FAM53A: variants seen among roughly 807,000 people sequenced by gnomAD.
FAM53A encodes the protein family with sequence similarity 53 member A.
Under a neutral mutation model 26.6 loss-of-function variants are expected in FAM53A, and 28 were observed. The ratio of observed to expected loss-of-function variants is 1.05; its 90% CI spans 0.78 to 1.45. The LOEUF is 1.45. Among genes scored for constraint, FAM53A ranks in the 40% most tolerant of loss-of-function variants. The probability of loss-of-function intolerance (pLI) is 0.00; values close to 1 mark genes in which losing one functional copy is unlikely to be tolerated. For missense variants in FAM53A, 650 were observed against 575.8 expected, an observed-to-expected ratio of 1.13 and a Z score of -1.32; for synonymous variants, 290 against 253.1, an observed-to-expected ratio of 1.15 and a Z score of -1.38.
downstream of FAM53A, among the ~76,000 whole-genome samples, chr4:1,616,063 A>AC (rs1714800378): frequency 6.6e-6 from 1 of 152,124 alleles, no homozygotes; most frequent in African/African-American, 2.4e-5. Context: ...GGAAGGAAGG[A>AC]TGGGGGATGT....
chr4:1,583,706 C>T, the FAM53A span, among the ~76,000 whole-genome samples: 2 of 152,322 alleles, frequency 1.3e-5, no homozygotes, highest in African/African-American at 2.4e-5. Context: ...GGGGCTTGTG[C>T]GAGGATTGAA....
At chr4:1,654,900 G>C (rs1179902978) in intron 4 of FAM53A, 78 bp downstream of exon 4, 16 of 1,444,444 alleles carry the variant, frequency 1.1e-5, no homozygotes, top group African/African-American at 1.5e-5. Context: ...CACATCCAGA[G>C]AATCAGCCAG....
the FAM53A span, among the ~76,000 whole-genome samples, chr4:1,579,188 C>A: frequency 1.3e-5 from 2 of 149,752 alleles, no homozygotes; most frequent in Non-Finnish European, 1.5e-5. Context: ...CCCCTGCCCT[C>A]CCTGCCCTGG....
chr4:1,576,383 C>T, the FAM53A span, among the ~76,000 whole-genome samples: 2 of 152,300 alleles, frequency 1.3e-5, no homozygotes, highest in South Asian at 2.1e-4. Flanking sequence ...ATTCCATAAC[C>T]GTGATTTGAG....
chr4:1,575,707 C>T, the FAM53A span, among the ~76,000 whole-genome samples: 2 of 152,110 alleles, frequency 1.3e-5, no homozygotes, highest in Non-Finnish European at 2.9e-5. Flanking sequence ...CCTGGCACCC[C>T]TGGGGTCCTA....
the FAM53A span, among the ~76,000 whole-genome samples, chr4:1,581,865 G>C: frequency 1.3e-5 from 2 of 152,102 alleles, no homozygotes; most frequent in African/African-American, 4.8e-5. Context: ...AAAGTGCTGG[G>C]ATTACAGGCT....
rs1406883509 is a variant in FAM53A, at chr4:1,618,190, G to A, written c.432-79C>T. Reference sequence around the variant, plus strand: ...CAGAAGACAGGGCACGTGCTGCCTCGCAGAGACAGTGAGGCTGGCCTTGAG... The same window carrying A: ...CAGAAGACAGGGCACGTGCTGCCTCACAGAGACAGTGAGGCTGGCCTTGAG... On this transcript the variant is annotated intron_variant, in intron 1 of 1. Transcript: ENST00000489029. The A allele has an allele frequency of 2.4e-5, 11 of 455,680 alleles. 1 individual carries two copies. The highest frequency in any genetic ancestry group is 4.7e-5 in the South Asian group (3 of 64,488). 28.2% of individuals were successfully genotyped at this position (455,680 alleles called of 1,614,324 possible).
chr4:1,660,388 G>T (rs1713739618), intron 2 of FAM53A, among the ~76,000 whole-genome samples: 1 of 152,104 alleles, frequency 6.6e-6, no homozygotes, highest in Non-Finnish European at 1.5e-5. Context: ...CTTGAGCCCA[G>T]GAGTTTGAGA....
the FAM53A span, among the ~76,000 whole-genome samples, chr4:1,591,038 C>T: frequency 1.6e-5 from 2 of 123,764 alleles, no homozygotes; most frequent in Non-Finnish European, 3.3e-5. Context: ...TTCTTTTGAA[C>T]TAGTCCCTAA....
chr4:1,675,055 G>C (rs965840423), intron 1 of FAM53A, among the ~76,000 whole-genome samples: 5 of 152,218 alleles, frequency 3.3e-5, no homozygotes, highest in Non-Finnish European at 5.9e-5. Context: ...CAGCCTTTTC[G>C]AGGGGCGATC....
the FAM53A span, among the ~76,000 whole-genome samples, chr4:1,584,997 A>G: frequency 1.3e-5 from 2 of 152,192 alleles, no homozygotes; most frequent in Admixed American, 6.5e-5. Context: ...CTAAAATTAT[A>G]TATGTTTACT....
At chr4:1,650,297 GGTGTTTGTGAGGTGGCACAGGCATA>G (rs376525502) in intron 4 of FAM53A, among the ~76,000 whole-genome samples, 1 of 142,016 alleles carries the variant, frequency 7.0e-6, no homozygotes, top group Non-Finnish European at 1.5e-5. Context: ...GCACAGGCGT[GGTGTTTGTGAGGTGGCACAGGCATA>G]GTGTTTGACT....
At chr4:1,576,938 G>C in the FAM53A span, among the ~76,000 whole-genome samples, 5 of 152,190 alleles carry the variant, frequency 3.3e-5, no homozygotes, top group Admixed American at 2.0e-4. Context: ...GAGCTTAGTT[G>C]GTCTCCTCTC....
rs778363690 is a variant in FAM53A at position 1,641,319 on chromosome 4, C to T, written c.1171G>A (p.Asp391Asn). The stretch of plus-strand genomic sequence containing the variant: ...CAGTTGTTCTCGATCTGCTCCAGGT[C>T]CAGCTCCCAGCGGGCCCGGGGGAAG... ...GVFPRARWEL[D>N]LEQIENN Residue 391 changes from aspartate (D) to asparagine (N), a missense_variant, in exon 5 of 5, where the codon GAC (aspartate) becomes AAC (asparagine). By Grantham distance (23) the Asp-to-Asn change is conservative. Transcript: ENST00000308132. 7.4e-6 allele frequency: 12 copies of T among 1,612,476 alleles called. No homozygotes were observed. The Admixed American group carries it at 8.4e-5, about 11-fold the overall frequency.
rs1712919971 is a variant in FAM53A at position 1,652,373 on chromosome 4, A to AT, written c.882+2604_882+2605insA. On this transcript the variant is annotated intron_variant, in intron 4 of 4. Coordinates refer to ENST00000308132, the MANE Select transcript of FAM53A (RefSeq NM_001174070.3). ...ACCACACGTCACACGCACAACACACACAACACACATCACATGCACACCACA... is the reference window on the plus strand; with the variant it reads ...ACCACACGTCACACGCACAACACACATCAACACACATCACATGCACACCACA... Among the ~76,000 whole-genome samples the AT allele has an allele frequency of 2.1e-5, 3 of 141,050 alleles. 1 individual carries two copies. The highest frequency in any genetic ancestry group is 2.7e-5 in the African/African-American group (1 of 37,568). The allele number at this position is 141,050 out of a possible 152,430, so 92.5% of individuals were successfully genotyped here. A position where few individuals can be genotyped will look rare whatever the true frequency, so the allele number is the denominator to read the frequency against.
intron 1 of FAM53A, among the ~76,000 whole-genome samples, chr4:1,623,717 G>A (rs951397726): frequency 3.3e-5 from 5 of 152,274 alleles, no homozygotes; most frequent in African/African-American, 9.6e-5. Context: ...AGCCTGCGGA[G>A]GAGTGCGGCC....
intron 1 of FAM53A, among the ~76,000 whole-genome samples, chr4:1,622,608 C>T (rs951796238): frequency 3.9e-4 from 60 of 152,340 alleles, no homozygotes; most frequent in African/African-American, 1.2e-3. Flanking sequence ...GCAGGGTCTC[C>T]AGCCCTGCAT....
intron 4 of FAM53A, 49 bp from the exon 5 acceptor site, chr4:1,641,656 G>A: frequency 1.9e-6 from 3 of 1,595,414 alleles, no homozygotes. Flanking sequence ...AGATCACACA[G>A]GAGGCAGCAT....
Position 1,668,824 on chromosome 4 carries a change from G to A in FAM53A, c.-83C>T. On this transcript the variant is annotated 5_prime_UTR_variant, in exon 2 of 5. Coordinates refer to ENST00000308132, the MANE Select transcript of FAM53A (RefSeq NM_001174070.3). Reference sequence around the variant, plus strand: ...GACTTGCGAAGGCCCCAGCATTGCTGGGTCAGCCAAATCTCAAGGTCATGT... The same window carrying A: ...GACTTGCGAAGGCCCCAGCATTGCTAGGTCAGCCAAATCTCAAGGTCATGT... 1 of 1,348,162 alleles carries A rather than the reference G, an allele frequency of 7.4e-7. No homozygotes were observed. Among genetic ancestry groups the A allele is most frequent in the Non-Finnish European group, 1.1e-6 (1 of 948,440 alleles). 83.5% of individuals were successfully genotyped at this position (1,348,162 alleles called of 1,614,324 possible).
Sources: gnomAD v4.1 joint callset for allele counts (sites outside exome capture counted in the v4.1 genomes callset) on GRCh38, gnomAD v4.1.1 for gene constraint, MANE v1.5 for transcripts, NCBI Gene and HGNC (gene_info 2026-07-23, HGNC 2026-07-21) for gene names.